GTF2F2: variants seen among roughly 807,000 people sequenced by gnomAD.
GTF2F2 encodes the protein ATP-dependent helicase GTF2F2.
A neutral mutation model predicts 42.2 loss-of-function variants in GTF2F2; 23 were observed. The ratio of observed to expected loss-of-function variants is 0.55; its 90% CI spans 0.39 to 0.77. The LOEUF (loss-of-function observed/expected upper bound fraction) is 0.77. GTF2F2 is among the 30% of genes least tolerant of loss of function. The probability of loss-of-function intolerance (pLI) is 0.00; values close to 1 mark genes in which losing one functional copy is unlikely to be tolerated. For synonymous variants in GTF2F2, 105 were observed against 100.8 expected (o/e 1.04, Z -0.25); for missense variants, 261 against 287.2 (o/e 0.91, Z 0.66).
At chr13:45,175,678 A>G (rs1871842616) in intron 4 of GTF2F2, among the ~76,000 whole-genome samples, 1 of 152,150 alleles carries the variant, frequency 6.6e-6, no homozygotes. Context: ...GCTGAAGTGC[A>G]ATGGCACTAT....
At position 45,277,080 on chromosome 13, in the gene GTF2F2, G is replaced by A. The variant is rs1463485596; in HGVS notation, c.631-6362G>A. Among the ~76,000 whole-genome samples the A allele has an allele frequency of 2.0e-5, 3 of 152,152 alleles. No individual in the cohort carries two copies. In the East Asian group the frequency reaches 5.8e-4, roughly 29 times the overall value. On this transcript the variant is annotated intron_variant, in intron 7 of 7. Transcript: ENST00000340473. ...GGCGGGATCTAGTGGGGAAGAGGAA[G>A]TGAAACCAGGAGAAAAGAAGAAAAA...
intron 7 of GTF2F2, among the ~76,000 whole-genome samples, chr13:45,274,323 CTT>C (rs367793010): frequency 3.9e-5 from 4 of 102,430 alleles, no homozygotes; most frequent in Admixed American, 1.1e-4. Flanking sequence ...ACAAATTATA[CTT>C]TTTTTTTTTT....
At chr13:45,219,553 A>G (rs1274229679) in intron 5 of GTF2F2, 1 of 152,186 alleles carries the variant, frequency 6.6e-6, no homozygotes, top group African/African-American at 2.4e-5. Flanking sequence ...CTGATTTTTT[A>G]ATTTAAAAGC....
intron 6 of GTF2F2, among the ~76,000 whole-genome samples, chr13:45,264,726 C>T (rs1876493150): frequency 6.6e-6 from 1 of 152,180 alleles, no homozygotes. Flanking sequence ...TTCAGGTCCT[C>T]TTGCATCTGA....
chr13:45,251,214 T>A (rs1019616896), intron 5 of GTF2F2, among the ~76,000 whole-genome samples: 3 of 152,126 alleles, frequency 2.0e-5, no homozygotes, highest in Non-Finnish European at 4.4e-5. Flanking sequence ...CAGAAGTAAA[T>A]AGAGAATTAT....
intron 2 of GTF2F2, among the ~76,000 whole-genome samples, chr13:45,140,566 A>T (rs1234574893): frequency 6.6e-6 from 1 of 152,162 alleles, no homozygotes; most frequent in African/African-American, 2.4e-5. Context: ...ATAGTTATTT[A>T]TTTGTATATT....
At chr13:45,231,752 A>C (rs924415318) in intron 5 of GTF2F2, among the ~76,000 whole-genome samples, 1 of 152,146 alleles carries the variant, frequency 6.6e-6, no homozygotes, top group Non-Finnish European at 1.5e-5. Flanking sequence ...CATATTAAAA[A>C]CTACCTTCTC....
chr13:45,260,027 C>T (rs1216449608), intron 6 of GTF2F2, among the ~76,000 whole-genome samples: 8 of 150,884 alleles, frequency 5.3e-5, no homozygotes, highest in Non-Finnish European at 7.4e-5. Context: ...AGAAAGAACT[C>T]GAAAACCTTA....
intron 4 of GTF2F2, among the ~76,000 whole-genome samples, chr13:45,203,939 C>T (rs1019401837): frequency 6.6e-6 from 1 of 152,076 alleles, no homozygotes; most frequent in African/African-American, 2.4e-5. Flanking sequence ...GCAGAGGGGT[C>T]CCCGAGATCC....
chr13:45,126,765 G>A (rs887965896), intron 1 of GTF2F2, among the ~76,000 whole-genome samples: 3 of 152,348 alleles, frequency 2.0e-5, no homozygotes, highest in Non-Finnish European at 4.4e-5. Flanking sequence ...TTCAGAGAAG[G>A]ACACTGAAGC....
At chr13:45,147,980 T>G (rs559210305) in intron 2 of GTF2F2, among the ~76,000 whole-genome samples, 1 of 152,336 alleles carries the variant, frequency 6.6e-6, no homozygotes, top group Non-Finnish European at 1.5e-5. Context: ...GTTTTATTTG[T>G]AGTTGTTTAT....
intron 1 of GTF2F2, among the ~76,000 whole-genome samples, chr13:45,134,559 C>T (rs1165982876): frequency 6.6e-6 from 1 of 152,080 alleles, no homozygotes; most frequent in African/African-American, 2.4e-5. Context: ...TTTCTGTCAC[C>T]TGTAATTAAA....
intron 1 of GTF2F2, among the ~76,000 whole-genome samples, chr13:45,133,345 A>G (rs9534039): frequency 0.17 from 25,311 of 152,170 alleles, 2,493 homozygotes; most frequent in Non-Finnish European, 0.22. Context: ...AAGGTTTCCT[A>G]TATTAGGCTG....
In GTF2F2 at chr13:45,151,760, C is replaced by T. The variant is rs1183683272; in HGVS notation, c.233C>T (p.Pro78Leu). ...IGGKPASVSA[P>L]REHPFVLQSV... The stretch of plus-strand genomic sequence containing the variant: ...GGAAAACCAGCTTCAGTCAGTGCTC[C>T]TAGAGAACATCCATTTGTCTTGCAA... Residue 78 changes from proline to leucine, a missense_variant, in exon 4 of 8, where the codon CCT becomes CTT. Physicochemically the swap from Pro to Leu is moderately conservative, Grantham distance 98. Transcript: ENST00000340473. 2 of 1,591,734 alleles carry T rather than the reference C, an allele frequency of 1.3e-6. No homozygotes were observed. The highest frequency in any genetic ancestry group is 2.2e-5 in the East Asian group (1 of 44,648).
Position 45,125,554 on chromosome 13 carries a change from G to A in GTF2F2, c.66+4833G>A, listed in dbSNP as rs536771964. Among the ~76,000 whole-genome samples, 6 of 152,148 alleles carry A rather than the reference G, an allele frequency of 3.9e-5. No individual in the cohort carries two copies. In the East Asian group the frequency reaches 7.7e-4, roughly 20 times the overall value. On this transcript the variant is annotated intron_variant, in intron 1 of 7. Coordinates refer to ENST00000340473, the MANE Select transcript of GTF2F2 (RefSeq NM_004128.3). ...AGGATGGTCTCAATCTCTTGACCTC[G>A]TTCGTGATCTGCCCGTCTCGGCCTT...
At chr13:45,234,770 G>T (rs1320067445) in intron 5 of GTF2F2, among the ~76,000 whole-genome samples, 2 of 152,148 alleles carry the variant, frequency 1.3e-5, no homozygotes, top group African/African-American at 4.8e-5. Flanking sequence ...GGTCATGCCA[G>T]TGCGGTGGCT....
chr13:45,128,791 C>T (rs9595244), intron 1 of GTF2F2, among the ~76,000 whole-genome samples: 54,331 of 151,574 alleles, frequency 0.36, 13,510 homozygotes, highest in African/African-American at 0.71. Context: ...ATGGGGTCCC[C>T]GTATGTTGCC....
intron 5 of GTF2F2, among the ~76,000 whole-genome samples, chr13:45,218,408 T>A (rs1873976066): frequency 6.6e-6 from 1 of 152,224 alleles, no homozygotes; most frequent in South Asian, 2.1e-4. Flanking sequence ...ACAGATTTTG[T>A]TAAACAAGAA....
chr13:45,172,555 A>G (rs147995285), intron 4 of GTF2F2, among the ~76,000 whole-genome samples: 2 of 152,234 alleles, frequency 1.3e-5, no homozygotes, highest in East Asian at 3.9e-4. Flanking sequence ...GATATAATCT[A>G]ATGTCTCTTT....
Sources: allele counts gnomAD v4.1 joint callset (sites outside exome capture counted in the v4.1 genomes callset), GRCh38; gene constraint gnomAD v4.1.1; transcripts MANE v1.5; gene names NCBI Gene and HGNC (gene_info 2026-07-23, HGNC 2026-07-21).